IFT52: variants seen among roughly 807,000 people sequenced by gnomAD.
IFT52 encodes intraflagellar transport protein 52 homolog.
In IFT52, 44 loss-of-function variants were observed where a neutral mutation model predicts 54.4. The ratio of observed to expected loss-of-function variants is 0.81; its 90% CI spans 0.63 to 1.04. IFT52 has a LOEUF of 1.04. Among genes scored for constraint, IFT52 ranks in the 50% least tolerant of loss-of-function variants. The pLI is 0.00. For missense variants in IFT52, 452 were observed against 523.6 expected (o/e 0.86, Z 1.33); for synonymous variants, 181 against 185.3 (o/e 0.98, Z 0.19).
At chr20:43,595,635 C>T (rs1981896357) in intron 2 of IFT52, among the ~76,000 whole-genome samples, 1 of 152,124 alleles carries the variant, frequency 6.6e-6, no homozygotes, top group Non-Finnish European at 1.5e-5. Flanking sequence ...CCTGTAATCC[C>T]AGCACTTTGG....
chr20:43,592,335 G>T (rs1227615411), intron 1 of IFT52, among the ~76,000 whole-genome samples: 1 of 148,420 alleles, frequency 6.7e-6, no homozygotes, highest in Non-Finnish European at 1.5e-5. Flanking sequence ...CTTTGAAAAA[G>T]AAGGAAAAAA....
At chr20:43,592,893 T>A (rs1344516320) in intron 1 of IFT52, among the ~76,000 whole-genome samples, 1 of 152,080 alleles carries the variant, frequency 6.6e-6, no homozygotes, top group Non-Finnish European at 1.5e-5. Flanking sequence ...GAGGATCACT[T>A]GAGGTCAGGA....
chr20:43,614,114 A>G, intron 7 of IFT52, 138 bp downstream of exon 7: 11 of 753,200 alleles, frequency 1.5e-5, no homozygotes, highest in South Asian at 3.8e-5. Context: ...CATTTCAGCT[A>G]TATACATTTT....
chr20:43,641,919 G>A (rs989317510), intron 12 of IFT52, among the ~76,000 whole-genome samples: 1 of 151,952 alleles, frequency 6.6e-6, no homozygotes. Flanking sequence ...TCAGCCTCCC[G>A]AGTAGCTGGG....
At chr20:43,625,184 G>A (rs1216700254) in intron 10 of IFT52, among the ~76,000 whole-genome samples, 1 of 152,018 alleles carries the variant, frequency 6.6e-6, no homozygotes, top group African/African-American at 2.4e-5. Context: ...CAGAGTACTG[G>A]GGTAGGGGAG....
In IFT52 at chr20:43,606,219, TA is replaced by T. The variant is rs922807404; in HGVS notation, c.485+1159del. On this transcript the variant is annotated intron_variant, in intron 6 of 13. Coordinates refer to ENST00000373030, the MANE Select transcript of IFT52 (RefSeq NM_016004.5). Reference sequence around the variant, plus strand: ...CTGGGGGACAGATGGAGACTTCGTCTAAAAAAAAAAAAATTATATTTGTCAT... The same window carrying T: ...CTGGGGGACAGATGGAGACTTCGTCTAAAAAAAAAAAATTATATTTGTCAT... 9.9e-3 allele frequency among the ~76,000 whole-genome samples: 1,302 copies of T among 131,808 alleles called. 16 individuals carry two copies. The highest frequency in any genetic ancestry group is 0.027 in the African/African-American group (962 of 36,208). 86.5% of individuals were successfully genotyped at this position (131,808 alleles called of 152,430 possible).
intron 2 of IFT52, 137 bp from the exon 3 acceptor site, chr20:43,596,298 A>G: frequency 1.7e-6 from 1 of 582,910 alleles, no homozygotes; most frequent in African/African-American, 1.9e-5. Flanking sequence ...TGGGAGAGAG[A>G]CTGGACCAGT....
chr20:43,617,632 C>T (rs111768680), intron 7 of IFT52, among the ~76,000 whole-genome samples: 2,056 of 152,202 alleles, frequency 0.014, 48 homozygotes, highest in African/African-American at 0.045. Context: ...TTAATAGAGA[C>T]GGAGTTTGGC....
chr20:43,593,973 G>T (rs1256656742), intron 1 of IFT52, among the ~76,000 whole-genome samples: 1 of 152,134 alleles, frequency 6.6e-6, no homozygotes, highest in Non-Finnish European at 1.5e-5. Context: ...CATATGGTAA[G>T]ATCCTATTTC....
At chr20:43,636,268 T>G (rs1352269923) in intron 11 of IFT52, among the ~76,000 whole-genome samples, 1 of 152,178 alleles carries the variant, frequency 6.6e-6, no homozygotes, top group African/African-American at 2.4e-5. Flanking sequence ...TCTCATCTTG[T>G]GGGGTTGGAG....
chr20:43,635,959 ACT>A lies in IFT52; in HGVS notation c.959_960del (p.Leu320ProfsTer8). 1 of 1,613,962 alleles carries A rather than the reference ACT, an allele frequency of 6.2e-7. No homozygotes were observed. ...HEQLNVKHEP[L>X]QLIQPQFETP... ...AGCAGCTAAATGTGAAACATGAACC[ACT>A]CCAGCTCATCCAGCCTCAGTTTGAG... On this transcript the variant is annotated frameshift_variant, in exon 11 of 14. Coordinates refer to ENST00000373030, the MANE Select transcript of IFT52 (RefSeq NM_016004.5). LOFTEE classifies it high-confidence loss of function.
chr20:43,613,805 A>G, intron 6 of IFT52, 45 bp from the exon 7 acceptor site: 1 of 1,572,814 alleles, frequency 6.4e-7, no homozygotes, highest in East Asian at 2.2e-5. Flanking sequence ...GAATTTTTGT[A>G]TTCATGTTTT....
rs199590595 is a variant in IFT52, at chr20:43,605,104, A to G, written c.485+31A>G. ...TGTGTTTTCTGATGCCACATGAGGA[A>G]GATGTATCATTTTGGAGTCTTCTTT... On this transcript the variant is annotated intron_variant, in intron 6 of 13. Coordinates refer to ENST00000373030, the MANE Select transcript of IFT52 (RefSeq NM_016004.5). 3.4e-3 allele frequency: 5,485 copies of G among 1,608,062 alleles called. 14 individuals are homozygous for G. Among genetic ancestry groups the G allele is most frequent in the Non-Finnish European group, 4.1e-3 (4,884 of 1,178,462 alleles).
At chr20:43,646,019 C>G (rs531171253) in intron 13 of IFT52, among the ~76,000 whole-genome samples, 1 of 151,546 alleles carries the variant, frequency 6.6e-6, no homozygotes, top group Admixed American at 6.6e-5. Flanking sequence ...ACCATCCTGG[C>G]TAACATGTGA....
intron 10 of IFT52, among the ~76,000 whole-genome samples, chr20:43,635,090 C>T (rs1985432569): frequency 6.6e-6 from 1 of 151,620 alleles, no homozygotes; most frequent in Admixed American, 6.6e-5. Context: ...ATCACTTGAA[C>T]CTGGCAGGCA....
intron 6 of IFT52, among the ~76,000 whole-genome samples, chr20:43,608,307 A>C (rs1983138746): frequency 6.6e-6 from 1 of 152,224 alleles, no homozygotes; most frequent in African/African-American, 2.4e-5. Context: ...AGGTGGTACC[A>C]CTTACAGTCC....
At chr20:43,606,759 G>C (rs1405880297) in intron 6 of IFT52, among the ~76,000 whole-genome samples, 1 of 152,142 alleles carries the variant, frequency 6.6e-6, no homozygotes, top group African/African-American at 2.4e-5. Context: ...GTGTCCCTGG[G>C]TACTTGAGAT....
At chr20:43,608,528 A>G (rs1423514340) in intron 6 of IFT52, among the ~76,000 whole-genome samples, 1 of 152,156 alleles carries the variant, frequency 6.6e-6, no homozygotes, top group African/African-American at 2.4e-5. Context: ...ATTCATTTAT[A>G]ATACCTCTGT....
rs770667177 is a variant in IFT52 at position 43,603,821 on chromosome 20, G to A, written c.269G>A (p.Gly90Asp). 2 of 1,597,744 alleles carry A rather than the reference G, an allele frequency of 1.3e-6. No individual in the cohort carries two copies. The highest frequency in any genetic ancestry group is 1.7e-6 in the Non-Finnish European group (2 of 1,167,032). Residue 90 changes from glycine to aspartate, a missense_variant, in exon 4 of 14, where the codon GGT (glycine) becomes GAT (aspartate). By Grantham distance (94) the Gly-to-Asp change is moderately conservative. Transcript: ENST00000373030. ...GGDVFVMLGE[G>D]GESRFDTNIN... Reference sequence around the variant, plus strand: ...GATGTCTTTGTGATGCTAGGAGAAGGTGGAGAATCCAGATTTGACACCAAT... The same window carrying A: ...GATGTCTTTGTGATGCTAGGAGAAGATGGAGAATCCAGATTTGACACCAAT...
Sources: gnomAD v4.1 joint callset for allele counts (sites outside exome capture counted in the v4.1 genomes callset) on GRCh38, gnomAD v4.1.1 for gene constraint, MANE v1.5 for transcripts, NCBI Gene and HGNC (gene_info 2026-07-23, HGNC 2026-07-21) for gene names.